The following ADAMTS12 variants were observed in gnomAD, a reference collection of about 807,000 sequenced individuals.
ADAMTS12 encodes A disintegrin and metalloproteinase with thrombospondin motifs 12.
ADAMTS12 carries 118 observed loss-of-function variants against 167.8 expected under a neutral mutation model. That is an observed-to-expected ratio of 0.70 (90% confidence interval 0.61 to 0.82). The LOEUF (loss-of-function observed/expected upper bound fraction) is 0.82, where lower values mean the gene tolerates loss of function less well. ADAMTS12 is among the 40% of genes least tolerant of loss of function. The pLI, the probability that ADAMTS12 is intolerant of heterozygous loss-of-function variation, is 0.00. For synonymous variants in ADAMTS12, 704 were observed against 716.9 expected (o/e 0.98, Z 0.29); for missense variants, 1,916 against 1,998.8 (o/e 0.96, Z 0.79).
chr5:33,832,347 A>C (rs1288153546), intron 2 of ADAMTS12, among the ~76,000 whole-genome samples: 1 of 152,158 alleles, frequency 6.6e-6, no homozygotes, highest in East Asian at 1.9e-4. Flanking sequence ...GGTTCTACCT[A>C]TTTGCTTTGC....
chr5:33,889,451 A>AG (rs1418336251), intron 1 of ADAMTS12, among the ~76,000 whole-genome samples: 1 of 152,176 alleles, frequency 6.6e-6, no homozygotes, highest in East Asian at 1.9e-4. Flanking sequence ...GGTCATTTGG[A>AG]GGGAAAAACC....
At chr5:33,752,291 T>C in intron 2 of ADAMTS12, among the ~76,000 whole-genome samples, 1 of 152,228 alleles carries the variant, frequency 6.6e-6, no homozygotes, top group African/African-American at 2.4e-5. Context: ...CTTAGAAAAC[T>C]GCTTTGCCAA....
chr5:33,558,887 T>C (rs1216102231), intron 20 of ADAMTS12, among the ~76,000 whole-genome samples: 3 of 151,882 alleles, frequency 2.0e-5, no homozygotes, highest in Non-Finnish European at 4.4e-5. Flanking sequence ...GGAAGAGAAA[T>C]AAAAAAGACC....
chr5:33,873,866 T>C (rs1392121146), intron 2 of ADAMTS12, among the ~76,000 whole-genome samples: 1 of 152,136 alleles, frequency 6.6e-6, no homozygotes, highest in Admixed American at 6.5e-5. Flanking sequence ...GCAAAAATAA[T>C]CCAGACACCC....
rs186883914 is a variant in ADAMTS12 at position 33,716,138 on chromosome 5, C to T, written c.635-32083G>A. Among the ~76,000 whole-genome samples, 5 of 152,176 alleles carry T rather than the reference C, an allele frequency of 3.3e-5. No individual in the cohort carries two copies. In the East Asian group the frequency reaches 9.7e-4, roughly 29 times the overall value. ...AGGTGACTAGGTCAGGAATGTGGGG[C>T]CCTCGTAAATGGGATTAGTGCCCTT... is the stretch of plus-strand genomic sequence containing the variant. On this transcript the variant is annotated intron_variant, in intron 3 of 23. Transcript: ENST00000504830.
At chr5:33,787,803 C>T (rs552895855) in intron 2 of ADAMTS12, among the ~76,000 whole-genome samples, 1 of 152,254 alleles carries the variant, frequency 6.6e-6, no homozygotes, top group African/African-American at 2.4e-5. Context: ...CAGAAAAGAG[C>T]GTGATATTTC....
chr5:33,593,058 C>G (rs1579718093), intron 17 of ADAMTS12, among the ~76,000 whole-genome samples: 1 of 152,158 alleles, frequency 6.6e-6, no homozygotes, highest in African/African-American at 2.4e-5. Context: ...GGGTGGATCA[C>G]TTGAGGTCAG....
Position 33,593,736 on chromosome 5 carries a change from G to A in ADAMTS12, c.2654+2198C>T, listed in dbSNP as rs148311473. Among the ~76,000 whole-genome samples, 490 of 152,088 alleles carry A rather than the reference G, an allele frequency of 3.2e-3. 19 individuals carry two copies. In the East Asian group the frequency reaches 0.085, roughly 26 times the overall value. On this transcript the variant is annotated intron_variant, in intron 17 of 23. Transcript: ENST00000504830. ...AGGACAAATACCTAATGCAAGCGGG[G>A]CTTAAAACCTAGATGATGGGTTGAT...
At chr5:33,838,665 A>T (rs976823387) in intron 2 of ADAMTS12, among the ~76,000 whole-genome samples, 5 of 152,100 alleles carry the variant, frequency 3.3e-5, no homozygotes, top group Non-Finnish European at 7.4e-5. Flanking sequence ...CTGGGTGACA[A>T]AGCGAGACTC....
chr5:33,605,488 C>T (rs1206157910), intron 16 of ADAMTS12, among the ~76,000 whole-genome samples: 5 of 95,422 alleles, frequency 5.2e-5, no homozygotes, highest in African/African-American at 2.1e-4. Context: ...AACTGGAAAA[C>T]TTAGGAAAAT....
chr5:33,832,698 T>A (rs1748347142), intron 2 of ADAMTS12, among the ~76,000 whole-genome samples: 1 of 152,170 alleles, frequency 6.6e-6, no homozygotes, highest in Admixed American at 6.6e-5. Context: ...TTGGGGACAA[T>A]AATGCAATGT....
At position 33,534,946 on chromosome 5, in the gene ADAMTS12, C is replaced by T; in HGVS notation, c.4493G>A (p.Cys1498Tyr). ...AGTTTTATTGCCCTCTGAGGGCACA[C>T]ATTGGACAGTCCTCTTCTGAAAGCC... is the stretch of plus-strand genomic sequence containing the variant. ...GGGFQKRTVQ[C>Y]VPSEGNKTED... The change falls in exon 23 of 24, where the codon TGT (cysteine) becomes TAT (tyrosine). Residue 1498 changes from cysteine to tyrosine, a missense_variant. Physicochemically the swap from Cys to Tyr is radical, Grantham distance 194. Coordinates refer to ENST00000504830, the MANE Select transcript of ADAMTS12 (RefSeq NM_030955.4). 6.2e-7 allele frequency: 1 copy of T among 1,613,838 alleles called. No individual in the cohort carries two copies. Among genetic ancestry groups the T allele is most frequent in the Non-Finnish European group, 8.5e-7 (1 of 1,179,930 alleles).
chr5:33,705,274 TG>T (rs1743152261), intron 3 of ADAMTS12, among the ~76,000 whole-genome samples: 1 of 148,140 alleles, frequency 6.8e-6, no homozygotes, highest in Non-Finnish European at 1.5e-5. Context: ...ATGGTGTGTG[TG>T]TGTGTGTGTG....
chr5:33,673,016 G>GAA (rs1201706910), intron 5 of ADAMTS12, among the ~76,000 whole-genome samples: 2 of 152,134 alleles, frequency 1.3e-5, no homozygotes, highest in Non-Finnish European at 2.9e-5. Context: ...TGAATAACTG[G>GAA]AAAGACTTAG....
At chr5:33,646,737 T>G (rs56874608) in intron 9 of ADAMTS12, among the ~76,000 whole-genome samples, 1 of 30,264 alleles carries the variant, frequency 3.3e-5, no homozygotes, top group East Asian at 1.6e-3. Context: ...CGTAATATGT[T>G]AAAAAAACCC....
chr5:33,743,035 G>A (rs544639790), intron 3 of ADAMTS12, among the ~76,000 whole-genome samples: 8 of 152,346 alleles, frequency 5.3e-5, no homozygotes, highest in South Asian at 2.1e-4. Flanking sequence ...AGGCTTCTCT[G>A]GGTATTTTGA....
At position 33,849,481 on chromosome 5, in the gene ADAMTS12, C is replaced by CAATATATATATGTATTGCAT. The variant is rs1561306812; in HGVS notation, c.489+31637_489+31638insATGCAATACATATATATATT. Among the ~76,000 whole-genome samples the CAATATATATATGTATTGCAT allele has an allele frequency of 3.5e-3, 177 of 51,274 alleles. 25 individuals are homozygous for CAATATATATATGTATTGCAT. In the Middle Eastern group the frequency reaches 0.091, roughly 26 times the overall value. 33.6% of individuals were successfully genotyped at this position (51,274 alleles called of 152,430 possible). A position where few individuals can be genotyped will look rare whatever the true frequency, so the allele number is the denominator to read the frequency against. ...CAGCAATATATATATATGTATTGCA[C>CAATATATATATGTATTGCAT]AGCAATATATATATATGTATTGCAT... On this transcript the variant is annotated intron_variant, in intron 2 of 23. Coordinates refer to ENST00000504830, the MANE Select transcript of ADAMTS12 (RefSeq NM_030955.4).
At chr5:33,667,644 G>A (rs1280544236) in intron 5 of ADAMTS12, among the ~76,000 whole-genome samples, 1 of 152,130 alleles carries the variant, frequency 6.6e-6, no homozygotes, top group Non-Finnish European at 1.5e-5. Context: ...AACACCTTAT[G>A]AATGACAGCA....
chr5:33,705,266 G>GGTGT (rs70964413), intron 3 of ADAMTS12, among the ~76,000 whole-genome samples: 4,991 of 143,934 alleles, frequency 0.035, 134 homozygotes, highest in African/African-American at 0.076. Context: ...AGTATTCCAT[G>GGTGT]GTGTGTGTGT....
Sources: gnomAD v4.1 joint callset for allele counts (sites outside exome capture counted in the v4.1 genomes callset) on GRCh38, gnomAD v4.1.1 for gene constraint, MANE v1.5 for transcripts, NCBI Gene and HGNC (gene_info 2026-07-23, HGNC 2026-07-21) for gene names.